UBE2B: variants seen among roughly 807,000 people sequenced by gnomAD.
UBE2B encodes ubiquitin conjugating enzyme E2 B, also known as ubiquitin-conjugating enzyme E2 B.
UBE2B carries 11 observed loss-of-function variants against 24.6 expected under a neutral mutation model. The ratio of observed to expected loss-of-function variants is 0.45; its 90% CI spans 0.28 to 0.74. The LOEUF (loss-of-function observed/expected upper bound fraction) is 0.74, where lower values mean the gene tolerates loss of function less well. UBE2B is among the 30% of genes least tolerant of loss of function. The pLI is 0.13. For missense variants in UBE2B, 78 were observed against 185.6 expected, an observed-to-expected ratio of 0.42 and a Z score of 3.37; for synonymous variants, 68 against 62.4, an observed-to-expected ratio of 1.09 and a Z score of -0.42.
intron 4 of UBE2B, among the ~76,000 whole-genome samples, chr5:134,387,706 T>A (rs780963945): frequency 4.6e-5 from 7 of 152,194 alleles, no homozygotes; most frequent in Non-Finnish European, 8.8e-5. Context: ...TTATCTGGAG[T>A]ACACTCCTGC....
intron 3 of UBE2B, among the ~76,000 whole-genome samples, chr5:134,378,035 T>C (rs905880681): frequency 6.6e-6 from 1 of 151,946 alleles, no homozygotes; most frequent in Non-Finnish European, 1.5e-5. Context: ...TACAAAAAAT[T>C]AGCCAGGCAT....
chr5:134,380,084 G>A (rs1758684753), intron 3 of UBE2B, among the ~76,000 whole-genome samples: 2 of 151,976 alleles, frequency 1.3e-5, no homozygotes, highest in African/African-American at 4.8e-5. Flanking sequence ...GCTCATTTTT[G>A]TACTTTTAGT....
chr5:134,377,196 C>G (rs1758623855), intron 3 of UBE2B, among the ~76,000 whole-genome samples: 1 of 152,178 alleles, frequency 6.6e-6, no homozygotes, highest in African/African-American at 2.4e-5. Flanking sequence ...AAATGGGAAA[C>G]TAGTTCTAAT....
In UBE2B at chr5:134,390,163, C is replaced by G. The variant is rs1758877774; in HGVS notation, c.331-62C>G. The G allele has an allele frequency of 6.3e-7, 1 of 1,596,596 alleles. No individual in the cohort carries two copies. Among genetic ancestry groups the G allele is most frequent in the East Asian group, 2.2e-5 (1 of 44,710 alleles). Reference sequence around the variant, plus strand: ...AACTTTTCTGTAATATATTCCATATCTGACCCCTGTTGGTATAAAGAACAA... The same window carrying G: ...AACTTTTCTGTAATATATTCCATATGTGACCCCTGTTGGTATAAAGAACAA... On this transcript the variant is annotated intron_variant, in intron 5 of 5. Transcript: ENST00000265339. The surrounding 1 kb of genome is among the most constrained non-coding windows in gnomAD (Gnocchi z 4.6).
chr5:134,376,645 A>C, intron 2 of UBE2B, 24 bp from the exon 3 acceptor site: 2 of 1,610,690 alleles, frequency 1.2e-6, no homozygotes, highest in South Asian at 2.2e-5. Flanking sequence ...AACTTCTTTT[A>C]ATCAGAAATC....
chr5:134,382,742 C>G (rs1403664152), intron 4 of UBE2B, among the ~76,000 whole-genome samples: 1 of 151,156 alleles, frequency 6.6e-6, no homozygotes, highest in African/African-American at 2.4e-5. Flanking sequence ...CCACCGCTCT[C>G]CATCCTGGGT....
chr5:134,378,244 T>C (rs535171215), intron 3 of UBE2B, among the ~76,000 whole-genome samples: 5 of 152,244 alleles, frequency 3.3e-5, no homozygotes, highest in Non-Finnish European at 7.4e-5. Flanking sequence ...TCTGGACCCT[T>C]GAGTATCTAT....
intron 2 of UBE2B, among the ~76,000 whole-genome samples, chr5:134,375,467 G>A (rs1758582782): frequency 6.6e-6 from 1 of 152,190 alleles, no homozygotes; most frequent in African/African-American, 2.4e-5. Context: ...AAAGACTAGT[G>A]GAAAATGAGT....
intron 3 of UBE2B, among the ~76,000 whole-genome samples, chr5:134,380,469 T>C (rs1758690027): frequency 6.6e-6 from 1 of 152,176 alleles, no homozygotes; most frequent in African/African-American, 2.4e-5. Context: ...CCTAGTTGCC[T>C]TCCAAAAATA....
At chr5:134,382,303 A>C (rs896985319) in intron 4 of UBE2B, among the ~76,000 whole-genome samples, 5 of 151,112 alleles carry the variant, frequency 3.3e-5, no homozygotes, top group African/African-American at 1.2e-4. Flanking sequence ...AAACAAAAAA[A>C]ATATCAAGGC....
At chr5:134,388,711 TA>T (rs1364938458) in intron 5 of UBE2B, among the ~76,000 whole-genome samples, 1 of 152,090 alleles carries the variant, frequency 6.6e-6, no homozygotes, top group Non-Finnish European at 1.5e-5. Flanking sequence ...CAAGTGTAGA[TA>T]AGCATTGAGT....
In UBE2B at chr5:134,388,343, T is replaced by C. The variant is rs1366143899; in HGVS notation, c.260T>C (p.Ile87Thr). 6.2e-7 allele frequency: 1 copy of C among 1,614,048 alleles called. No individual in the cohort carries two copies. The highest frequency in any genetic ancestry group is 8.5e-7 in the Non-Finnish European group (1 of 1,179,942). ...FHPNVYADGS[I>T]CLDILQNRWS... Reference sequence around the variant, plus strand: ...TTTGCAGTGTATGCTGATGGTAGCATATGTTTAGATATCCTTCAGAATCGA... The same window carrying C: ...TTTGCAGTGTATGCTGATGGTAGCACATGTTTAGATATCCTTCAGAATCGA... Residue 87 changes from isoleucine to threonine, a missense_variant, in exon 5 of 6, where the codon ATA becomes ACA. Physicochemically the swap from Ile to Thr is moderately conservative, Grantham distance 89. Coordinates refer to ENST00000265339, the MANE Select transcript of UBE2B (RefSeq NM_003337.4).
At chr5:134,374,500 T>C in intron 2 of UBE2B, 37 bp downstream of exon 2, 1 of 1,545,390 alleles carries the variant, frequency 6.5e-7, no homozygotes, top group South Asian at 1.2e-5. Context: ...AGGTGTGTGC[T>C]GAATCTTTAA....
chr5:134,383,073 G>A (rs1000847550), intron 4 of UBE2B, among the ~76,000 whole-genome samples: 1 of 152,086 alleles, frequency 6.6e-6, no homozygotes, highest in Non-Finnish European at 1.5e-5. Context: ...GCTGAGGCGG[G>A]AGAATTGCTT....
At chr5:134,389,708 G>A (rs1000961535) in intron 5 of UBE2B, among the ~76,000 whole-genome samples, 1 of 151,944 alleles carries the variant, frequency 6.6e-6, no homozygotes, top group African/African-American at 2.4e-5. Flanking sequence ...CACCACACCC[G>A]GCTAATTTTG....
intron 3 of UBE2B, among the ~76,000 whole-genome samples, chr5:134,379,294 C>T (rs1758664232): frequency 6.6e-6 from 1 of 152,164 alleles, no homozygotes. Context: ...ACTACCATTT[C>T]TTCTTTGGTA....
At chr5:134,383,719 C>T (rs1561681959) in intron 4 of UBE2B, among the ~76,000 whole-genome samples, 1 of 151,976 alleles carries the variant, frequency 6.6e-6, no homozygotes, top group Non-Finnish European at 1.5e-5. Flanking sequence ...CCTTGGCCTC[C>T]CAAATGTTGG....
chr5:134,374,161 T>C (rs1003537318), intron 1 of UBE2B, among the ~76,000 whole-genome samples: 19 of 152,212 alleles, frequency 1.2e-4, no homozygotes, highest in Admixed American at 1.1e-3. Flanking sequence ...AGAGGGATGA[T>C]TCTCAAGCCC....
chr5:134,382,829 T>C (rs1441096196), intron 4 of UBE2B, among the ~76,000 whole-genome samples: 1 of 151,886 alleles, frequency 6.6e-6, no homozygotes, highest in African/African-American at 2.4e-5. Context: ...TTTTTTTGGT[T>C]TGTTTGTTTT....
Sources: gnomAD v4.1 joint callset for allele counts (sites outside exome capture counted in the v4.1 genomes callset) on GRCh38, gnomAD v4.1.1 for gene constraint, Gnocchi (gnomAD v3.1) non-coding constraint, MANE v1.5 for transcripts, NCBI Gene and HGNC (gene_info 2026-07-23, HGNC 2026-07-21) for gene names.